The following STARD13 variants were observed in gnomAD, a reference collection of about 807,000 sequenced individuals.
The protein encoded by STARD13 is stAR-related lipid transfer protein 13.
STARD13 carries 62 observed loss-of-function variants against 106.4 expected under a neutral mutation model. The ratio of observed to expected loss-of-function variants is 0.58; its 90% CI spans 0.48 to 0.72. The LOEUF is 0.72. STARD13 is among the 30% of genes least tolerant of loss of function. The pLI, the probability that STARD13 is intolerant of heterozygous loss-of-function variation, is 0.00. For synonymous variants in STARD13, 565 were observed against 553.0 expected, an observed-to-expected ratio of 1.02 and a Z score of -0.31; for missense variants, 1,387 against 1,424.0, an observed-to-expected ratio of 0.97 and a Z score of 0.42.
chr13:33,309,217 C>T lies in STARD13; in HGVS notation c.124+41073G>A, dbSNP rs560604053. Among the ~76,000 whole-genome samples the T allele has an allele frequency of 7.9e-5, 12 of 152,310 alleles. No homozygotes were observed. In the East Asian group the frequency reaches 2.1e-3, roughly 27 times the overall value. ...AAAAACCTAACACGACAGCTCCAGC[C>T]CTGCCTCCTCCATGAGCCCTCCTGG... On this transcript the variant is annotated intron_variant, in intron 1 of 5. Transcript: ENST00000567873.
chr13:33,620,171 C>T, the STARD13 span, among the ~76,000 whole-genome samples: 1 of 152,092 alleles, frequency 6.6e-6, no homozygotes, highest in Non-Finnish European at 1.5e-5. Context: ...TAGACACAAA[C>T]ACAAACAGTA....
the STARD13 span, among the ~76,000 whole-genome samples, chr13:33,563,388 C>T: frequency 1.4e-5 from 2 of 146,660 alleles, 1 homozygote; most frequent in East Asian, 4.1e-4. Flanking sequence ...GATACATAGA[C>T]CAATGGAACA....
chr13:33,543,459 AATC>A, the STARD13 span, among the ~76,000 whole-genome samples: 1 of 152,192 alleles, frequency 6.6e-6, no homozygotes, highest in Non-Finnish European at 1.5e-5. Flanking sequence ...AAGTTAGTAA[AATC>A]AACACATTTT....
chr13:33,129,860 C>T lies in STARD13; in HGVS notation c.817G>A (p.Gly273Arg), dbSNP rs151157731. 157 of 1,612,970 alleles carry T rather than the reference C, an allele frequency of 9.7e-5. 1 individual carries two copies. Among genetic ancestry groups the T allele is most frequent in the East Asian group, 4.0e-4 (18 of 44,874 alleles). ...GTCCGCCCAGACCCCTTATGCCTCC[C>T]GTGGGCTCCCTTCCCTCGGAGTGTT... The part of the protein sequence containing the change: ...METLRGKGAH[G>R]RHKGSGRTGG... Residue 273 changes from glycine to arginine, a missense_variant, in exon 5 of 14, where the codon GGG becomes AGG. Physicochemically the swap from Gly to Arg is moderately radical, Grantham distance 125. Transcript: ENST00000336934.
At chr13:33,164,974 C>T (rs968599345) in intron 3 of STARD13, among the ~76,000 whole-genome samples, 13 of 152,170 alleles carry the variant, frequency 8.5e-5, no homozygotes, top group Non-Finnish European at 1.5e-4. Flanking sequence ...CCTCTACTGA[C>T]CCATCCACAC....
At chr13:33,354,197 AG>A (rs2078105370), upstream of STARD13, among the ~76,000 whole-genome samples, 2 of 152,168 alleles carry the variant, frequency 1.3e-5, no homozygotes, top group African/African-American at 2.4e-5. Context: ...GATTTAGTTC[AG>A]GTTTTCTCTT....
At chr13:33,459,868 C>T in the STARD13 span, among the ~76,000 whole-genome samples, 4 of 152,124 alleles carry the variant, frequency 2.6e-5, no homozygotes, top group East Asian at 7.7e-4. Flanking sequence ...AGGACATAGA[C>T]TTATTGCTCC....
intron 1 of STARD13, among the ~76,000 whole-genome samples, chr13:33,294,835 A>G (rs1892426980): frequency 6.6e-6 from 1 of 152,300 alleles, no homozygotes; most frequent in East Asian, 1.9e-4. Context: ...GACTCAAATT[A>G]TAATTTGAAT....
chr13:33,177,796 G>T (rs1594048264), intron 1 of STARD13, among the ~76,000 whole-genome samples: 3 of 32,124 alleles, frequency 9.3e-5, no homozygotes, highest in African/African-American at 4.4e-4. Flanking sequence ...AGGAAGGAAG[G>T]AAGGAAAGGA....
At chr13:33,457,778 T>TA in the STARD13 span, among the ~76,000 whole-genome samples, 2 of 152,218 alleles carry the variant, frequency 1.3e-5, no homozygotes, top group African/African-American at 4.8e-5. Flanking sequence ...GATCCCATCA[T>TA]AAGGGTTTCA....
chr13:33,634,589 C>G, the STARD13 span, among the ~76,000 whole-genome samples: 2 of 152,164 alleles, frequency 1.3e-5, no homozygotes, highest in South Asian at 4.1e-4. Flanking sequence ...ATTCTCCTTT[C>G]TTACATCCAA....
intron 7 of STARD13, among the ~76,000 whole-genome samples, chr13:33,125,008 G>C (rs554786025): frequency 1.4e-4 from 21 of 152,252 alleles, no homozygotes; most frequent in Middle Eastern, 3.4e-3. Context: ...AGGGACAAAG[G>C]GGAACACACA....
the STARD13 span, among the ~76,000 whole-genome samples, chr13:33,366,276 A>G: frequency 6.6e-6 from 1 of 152,200 alleles, no homozygotes; most frequent in Non-Finnish European, 1.5e-5. The surrounding 1 kb of genome is among the most constrained non-coding windows in gnomAD (Gnocchi z 4.2). Flanking sequence ...GATCAAGGAT[A>G]GAACTCTGTC....
At chr13:33,635,909 G>A in the STARD13 span, among the ~76,000 whole-genome samples, 5 of 151,810 alleles carry the variant, frequency 3.3e-5, no homozygotes, top group Non-Finnish European at 4.4e-5. Context: ...GCGTGAACCC[G>A]GGAGGCAGAG....
At chr13:33,557,313 G>A in the STARD13 span, among the ~76,000 whole-genome samples, 3 of 152,086 alleles carry the variant, frequency 2.0e-5, no homozygotes, top group African/African-American at 4.8e-5. Flanking sequence ...TCACCCGGGC[G>A]ATGTAATGAC....
At chr13:33,666,963 C>G in the STARD13 span, among the ~76,000 whole-genome samples, 4 of 152,214 alleles carry the variant, frequency 2.6e-5, no homozygotes, top group Admixed American at 1.3e-4. Flanking sequence ...AGGTCCCAAA[C>G]TTTGGGACAA....
At chr13:33,450,979 C>T in the STARD13 span, among the ~76,000 whole-genome samples, 1 of 151,758 alleles carries the variant, frequency 6.6e-6, no homozygotes, top group Non-Finnish European at 1.5e-5. Flanking sequence ...ACCTCCTGTG[C>T]TCGAGGAATC....
intron 1 of STARD13, among the ~76,000 whole-genome samples, chr13:33,190,593 T>C (rs570039156): frequency 7.9e-4 from 118 of 150,182 alleles, no homozygotes; most frequent in Admixed American, 1.3e-3. Context: ...CTTTTCTTTT[T>C]TTTTTTTTTT....
chr13:33,279,019 G>T (rs1457169066), intron 1 of STARD13, among the ~76,000 whole-genome samples: 2 of 152,036 alleles, frequency 1.3e-5, no homozygotes, highest in Non-Finnish European at 2.9e-5. Flanking sequence ...TTTTTTATGT[G>T]GTCTTTAGAT....
Sources: allele counts gnomAD v4.1 joint callset (sites outside exome capture counted in the v4.1 genomes callset), GRCh38; gene constraint gnomAD v4.1.1; non-coding constraint Gnocchi (gnomAD v3.1); transcripts MANE v1.5; gene names NCBI Gene and HGNC (gene_info 2026-07-23, HGNC 2026-07-21).